The following RPL3 variants were observed in gnomAD, a reference collection of about 807,000 sequenced individuals.
The protein encoded by RPL3 is large ribosomal subunit protein uL3.
RPL3 carries 3 observed loss-of-function variants against 46.0 expected under a neutral mutation model. The observed-to-expected ratio is 0.07, with a 90% confidence interval of 0.03 to 0.17. The LOEUF (loss-of-function observed/expected upper bound fraction) is 0.17. RPL3 is among the 10% of genes least tolerant of loss of function. The pLI, the probability that RPL3 is intolerant of heterozygous loss-of-function variation, is 1.00. For missense variants in RPL3, 387 were observed against 532.7 expected (o/e 0.73, Z 2.69); for synonymous variants, 224 against 190.8 (o/e 1.17, Z -1.43).
Position 39,314,722 on chromosome 22 carries a change from C to G in RPL3, c.813G>C (p.Gln271His), listed in dbSNP as rs1922570097. The change falls in exon 6 of 10, where the codon CAG (glutamine) becomes CAC (histidine). Residue 271 changes from glutamine to histidine, a missense_variant. By Grantham distance (24) the Gln-to-His change is conservative. Transcript: ENST00000216146. ...RVAFSVARAG[Q>H]KGYHHRTEIN... ...TCTCAGTGCGGTGATGGTAGCCTTT[C>G]TGCCCAGCGCGTGCCACAGAGAAGG... The G allele has an allele frequency of 1.2e-6, 2 of 1,613,496 alleles. No individual in the cohort carries two copies. Among genetic ancestry groups the G allele is most frequent in the Non-Finnish European group, 1.7e-6 (2 of 1,179,986 alleles).
At chr22:39,313,786 C>T (rs752476883) in intron 7 of RPL3, 57 bp from the exon 8 acceptor site, 5 of 1,507,716 alleles carry the variant, frequency 3.3e-6, no homozygotes, top group Non-Finnish European at 4.6e-6. Context: ...GTGCAGATGA[C>T]CCCTCCAGGT....
intron 9 of RPL3, 30 bp from the exon 10 acceptor site, chr22:39,313,014 A>G: frequency 6.2e-7 from 1 of 1,613,934 alleles, no homozygotes; most frequent in Non-Finnish European, 8.5e-7. Flanking sequence ...GGTCAGAGGT[A>G]GAAGATGACA....
In RPL3 at chr22:39,315,484, G is replaced by A. The variant is rs767223357; in HGVS notation, c.573C>T (p.Ala191=). Residue 191 remains alanine (A), a synonymous_variant, in exon 5 of 10, where the codon GCC becomes GCT. Coordinates refer to ENST00000216146, the MANE Select transcript of RPL3 (RefSeq NM_000967.4). The part of the protein sequence containing the change: ...MEIQVNGGTV[A]EKLDWARERL... ...TCTCGCGGGCCCAGTCCAGCTTCTC[G>A]GCCACAGTGCCTCCGTTCACCTGGA... 24 of 1,613,946 alleles carry A rather than the reference G, an allele frequency of 1.5e-5. No homozygotes were observed. The African/African-American group carries it at 1.7e-4, about 12-fold the overall frequency.
intron 7 of RPL3, 178 bp from the exon 8 acceptor site, chr22:39,313,907 A>ACAGCTGC: frequency 1.2e-6 from 1 of 840,318 alleles, no homozygotes; most frequent in Non-Finnish European, 2.1e-6. Flanking sequence ...TCATCACTGA[A>ACAGCTGC]CAGCTGAGCC....
chr22:39,312,993 A>G lies in RPL3; in HGVS notation c.1168-9T>C, dbSNP rs771329578. 2.5e-6 allele frequency: 4 copies of G among 1,613,464 alleles called. No individual in the cohort carries two copies. The highest frequency in any genetic ancestry group is 1.3e-5 in the African/African-American group (1 of 74,564). On this transcript the variant is annotated splice_polypyrimidine_tract_variant and intron_variant, in intron 9 of 9. Transcript: ENST00000216146. ...TCTTTCTTCAGTGGTCCCTGTGGGG[A>G]GAGAGGCAGTGGTCAGAGGTAGAAG...
intron 2 of RPL3, 200 bp downstream of exon 2, chr22:39,318,200 A>G (rs555701947): frequency 2.3e-4 from 137 of 587,500 alleles, no homozygotes; most frequent in African/African-American, 2.0e-3. Context: ...CACCTAAAGC[A>G]AACAGTGCTG....
chr22:39,318,954 C>A (rs565306558), intron 1 of RPL3: 1 of 523,632 alleles, frequency 1.9e-6, no homozygotes, highest in African/African-American at 1.9e-5. Flanking sequence ...CCGGGACAAA[C>A]GCTGGGTAGC....
At chr22:39,319,436 G>T in intron 1 of RPL3, 159 bp downstream of exon 1, 1 of 1,025,386 alleles carries the variant, frequency 9.8e-7, no homozygotes, top group Non-Finnish European at 1.5e-6. Context: ...CAAGCCTCTC[G>T]ACTTTCCAGA....
intron 5 of RPL3, chr22:39,315,149 T>A: frequency 1.2e-6 from 1 of 822,166 alleles, no homozygotes. Flanking sequence ...GAGCAAAGGG[T>A]CCAGGAACGT....
intron 7 of RPL3, 133 bp from the exon 8 acceptor site, chr22:39,313,862 G>C (rs777753896): frequency 7.4e-6 from 7 of 942,850 alleles, no homozygotes; most frequent in Admixed American, 3.4e-5. Context: ...TCCGCAGTCT[G>C]TCTCGGGCGC....
At chr22:39,313,064 T>TG in intron 9 of RPL3, 80 bp from the exon 10 acceptor site, 1 of 1,607,832 alleles carries the variant, frequency 6.2e-7, no homozygotes, top group African/African-American at 1.3e-5. Context: ...ACCAAGACTC[T>TG]GGGCCAGTCT....
At chr22:39,319,560 G>T (rs1416512247) in intron 1 of RPL3, 35 bp downstream of exon 1, 5 of 1,561,838 alleles carry the variant, frequency 3.2e-6, no homozygotes, top group Non-Finnish European at 4.3e-6. Flanking sequence ...TGCCGACGCC[G>T]GTGACAATGA....
intron 1 of RPL3, 35 bp from the exon 2 acceptor site, chr22:39,318,627 C>A: frequency 6.5e-7 from 1 of 1,544,856 alleles, no homozygotes; most frequent in Non-Finnish European, 8.8e-7. Flanking sequence ...AGCACCCAAA[C>A]CAAAGCAGTG....
chr22:39,313,024 A>C, intron 9 of RPL3, 40 bp from the exon 10 acceptor site: 1 of 1,613,646 alleles, frequency 6.2e-7, no homozygotes, highest in South Asian at 1.1e-5. Flanking sequence ...AGAAGATGAC[A>C]GGTGACAGCA....
At position 39,315,004 on chromosome 22, in the gene RPL3, G is replaced by A. The variant is rs1294223711; in HGVS notation, c.689-158C>T. On this transcript the variant is annotated intron_variant, in intron 5 of 9. Transcript: ENST00000216146. ...AGGTCTCCCCTGTCAAGCTGGATAG[G>A]CTCTGGGGGTGTCACCCTGAACTCA... is the stretch of plus-strand genomic sequence containing the variant. 7.6e-6 allele frequency: 8 copies of A among 1,058,134 alleles called. No individual in the cohort carries two copies. The Admixed American group carries it at 1.7e-4, about 23-fold the overall frequency. 65.5% of individuals were successfully genotyped at this position (1,058,134 alleles called of 1,614,324 possible).
At chr22:39,316,943 C>G (rs898588219) in intron 3 of RPL3, 102 bp from the exon 4 acceptor site, 8 of 1,577,332 alleles carry the variant, frequency 5.1e-6, no homozygotes, top group Non-Finnish European at 4.4e-6. Flanking sequence ...GGGGATGGAG[C>G]TCATTGCCGG....
Position 39,315,477 on chromosome 22 carries a change from G to C in RPL3, c.580C>G (p.Leu194Val), listed in dbSNP as rs759124347. The change falls in exon 5 of 10, where the codon CTG becomes GTG. Residue 194 changes from leucine to valine, a missense_variant. Leu to Val is a conservative substitution (Grantham distance 32, BLOSUM62 1). Around this residue, in one of 5 missense-constraint regions of RPL3, gnomAD observed 48 missense variants for 80.7 expected, o/e 0.60. Coordinates refer to ENST00000216146, the MANE Select transcript of RPL3 (RefSeq NM_000967.4). ...QVNGGTVAEK[L>V]DWARERLEQQ... is the part of the protein sequence containing the mutation. The stretch of plus-strand genomic sequence containing the variant: ...TCAAGCCTCTCGCGGGCCCAGTCCA[G>C]CTTCTCGGCCACAGTGCCTCCGTTC... The C allele has an allele frequency of 6.2e-7, 1 of 1,614,112 alleles. No individual in the cohort carries two copies.
At position 39,313,836 on chromosome 22, in the gene RPL3, G is replaced by C. The variant is rs1165503469; in HGVS notation, c.952-107C>G. On this transcript the variant is annotated intron_variant, in intron 7 of 9. Transcript: ENST00000216146. ...ACCACAGGGCTGTTCTCAGAAGGAAGGCAACAAGGAACGGTTCCGCAGTCT... is the reference window on the plus strand; with the variant it reads ...ACCACAGGGCTGTTCTCAGAAGGAACGCAACAAGGAACGGTTCCGCAGTCT... 11 of 1,074,870 alleles carry C rather than the reference G, an allele frequency of 1.0e-5. No homozygotes were observed. The Admixed American group carries it at 1.3e-4, about 13-fold the overall frequency. The allele number at this position is 1,074,870 out of a possible 1,614,324, so 66.6% of individuals were successfully genotyped here.
At chr22:39,313,355 G>A in intron 8 of RPL3, 45 bp from the exon 9 acceptor site, 1 of 1,611,856 alleles carries the variant, frequency 6.2e-7, no homozygotes, top group South Asian at 1.1e-5. Flanking sequence ...GAGGAGCCAG[G>A]CTTTCCTCAG....
Sources: gnomAD v4.1 joint callset for allele counts on GRCh38, gnomAD v4.1.1 for gene constraint, gnomAD v4.1.1 regional missense constraint, MANE v1.5 for transcripts, NCBI Gene and HGNC (gene_info 2026-07-23, HGNC 2026-07-21) for gene names.